UGT1A5: variants seen among roughly 807,000 people sequenced by gnomAD.
UGT1A5 encodes UDP glucuronosyltransferase family 1 member A5.
UGT1A5 carries 29 observed loss-of-function variants against 40.3 expected under a neutral mutation model. That is an observed-to-expected ratio of 0.72 (90% CI 0.54 to 0.98). UGT1A5 has a LOEUF of 0.98. Among genes scored for constraint, UGT1A5 ranks in the 50% least tolerant of loss-of-function variants. The pLI is 0.00. For missense variants in UGT1A5, 678 were observed against 677.9 expected (o/e 1.00, Z 0.00); for synonymous variants, 257 against 262.5 (o/e 0.98, Z 0.20).
intron 1 of UGT1A5, among the ~76,000 whole-genome samples, chr2:233,720,134 A>G (rs562111913): frequency 6.6e-6 from 1 of 152,212 alleles, no homozygotes; most frequent in South Asian, 2.1e-4. Flanking sequence ...ACCACAGGAG[A>G]CCTAGGCACT....
chr2:233,755,062 C>G, intron 1 of UGT1A5: 1 of 1,335,450 alleles, frequency 7.5e-7, no homozygotes, highest in Middle Eastern at 2.1e-4. Flanking sequence ...GCCCTCGCCT[C>G]GCCATAGCGG....
chr2:233,765,409 TGG>T (rs1441721232), intron 1 of UGT1A5, among the ~76,000 whole-genome samples: 3 of 152,208 alleles, frequency 2.0e-5, no homozygotes, highest in African/African-American at 7.2e-5. Flanking sequence ...ATATACACCA[TGG>T]AATACTATGC....
chr2:233,713,259 G>A lies in UGT1A5; in HGVS notation c.268G>A (p.Asp90Asn). ...CATTTCATGGACCCAGGACGAATTT[G>A]ATCGCCTTTTGCTGGGTCACACTCA... is the stretch of plus-strand genomic sequence containing the variant. ...YAISWTQDEF[D>N]RLLLGHTQSF... The change falls in exon 1 of 5, where the codon GAT becomes AAT. Residue 90 changes from aspartate (D) to asparagine (N), a missense_variant. Asp to Asn is a conservative substitution (Grantham distance 23). Coordinates refer to ENST00000373414, the MANE Select transcript of UGT1A5 (RefSeq NM_019078.2). 1 of 1,614,246 alleles carries A rather than the reference G, an allele frequency of 6.2e-7. No homozygotes were observed. Among genetic ancestry groups the A allele is most frequent in the Non-Finnish European group, 8.5e-7 (1 of 1,180,042 alleles).
intron 1 of UGT1A5, among the ~76,000 whole-genome samples, chr2:233,726,402 T>A (rs1404707610): frequency 6.6e-6 from 1 of 152,206 alleles, no homozygotes; most frequent in Non-Finnish European, 1.5e-5. Flanking sequence ...AGTCTTTTGA[T>A]GTCAGCATTC....
chr2:233,745,345 T>C (rs1184068068), intron 1 of UGT1A5, among the ~76,000 whole-genome samples: 1 of 151,834 alleles, frequency 6.6e-6, no homozygotes, highest in Non-Finnish European at 1.5e-5. Flanking sequence ...ACCATGAATT[T>C]TGGGGGAATT....
chr2:233,747,677 C>T (rs1693749061), intron 1 of UGT1A5: 1 of 1,606,758 alleles, frequency 6.2e-7, no homozygotes, highest in Non-Finnish European at 8.5e-7. Context: ...ACCCAATTTA[C>T]CTCTGTGGGG....
chr2:233,737,372 G>T (rs992613847), intron 1 of UGT1A5, among the ~76,000 whole-genome samples: 12 of 152,258 alleles, frequency 7.9e-5, no homozygotes, highest in African/African-American at 2.7e-4. Flanking sequence ...CCAGGCAGGG[G>T]AGAGAATCTC....
At chr2:233,758,898 T>G (rs1462729445) in intron 1 of UGT1A5, among the ~76,000 whole-genome samples, 1 of 152,186 alleles carries the variant, frequency 6.6e-6, no homozygotes, top group Non-Finnish European at 1.5e-5. Context: ...AAATACAAAT[T>G]TGAGTTGTTT....
At chr2:233,717,972 C>G in intron 1 of UGT1A5, 1 of 447,844 alleles carries the variant, frequency 2.2e-6, no homozygotes, top group South Asian at 1.6e-5. Flanking sequence ...CTTTGGCATT[C>G]AGAAGAGGAA....
intron 1 of UGT1A5, among the ~76,000 whole-genome samples, chr2:233,749,367 C>G (rs893134182): frequency 6.6e-6 from 1 of 151,762 alleles, no homozygotes; most frequent in Non-Finnish European, 1.5e-5. Flanking sequence ...GACTCTTGCC[C>G]TTTTCTTCCA....
intron 1 of UGT1A5, among the ~76,000 whole-genome samples, chr2:233,735,494 C>G (rs1320863859): frequency 6.6e-6 from 1 of 152,164 alleles, no homozygotes; most frequent in East Asian, 1.9e-4. Context: ...TTAATTGCAG[C>G]ATTTAGCCCA....
chr2:233,768,597 T>C (rs1188549543), intron 4 of UGT1A5, among the ~76,000 whole-genome samples, 158 bp downstream of exon 4: 1 of 135,710 alleles, frequency 7.4e-6, no homozygotes, highest in Non-Finnish European at 1.6e-5. Context: ...TTTTTTTTTT[T>C]TTTTTTTGAG....
intron 1 of UGT1A5, chr2:233,760,706 T>G (rs1396464237): frequency 2.5e-6 from 4 of 1,614,118 alleles, no homozygotes; most frequent in African/African-American, 1.3e-5. Flanking sequence ...ATGGCCTCCC[T>G]GGCAGAAAGC....
intron 1 of UGT1A5, chr2:233,743,523 T>A (rs1440722806): frequency 7.3e-7 from 1 of 1,367,212 alleles, no homozygotes; most frequent in Non-Finnish European, 9.8e-7. Context: ...TGCTTCTGCT[T>A]CCCCAGCAGT....
chr2:233,773,036 G>A lies in UGT1A5; in HGVS notation c.*477G>A. ...TGCCACCTTGTGTGTTTAAAGAAGG[G>A]AAGCTTTGTACCTTTAGAGTGTAGG... On this transcript the variant is annotated 3_prime_UTR_variant, in exon 5 of 5. Coordinates refer to ENST00000373414, the MANE Select transcript of UGT1A5 (RefSeq NM_019078.2). 1 of 196,980 alleles carries A rather than the reference G, an allele frequency of 5.1e-6. No individual in the cohort carries two copies. Among genetic ancestry groups the A allele is most frequent in the South Asian group, 9.8e-5 (1 of 10,240 alleles). The allele number at this position is 196,980 out of a possible 1,614,324, so 12.2% of individuals were successfully genotyped here. A position where few individuals can be genotyped will look rare whatever the true frequency, so the allele number is the denominator to read the frequency against.
chr2:233,729,516 G>A, intron 1 of UGT1A5: 1 of 1,614,186 alleles, frequency 6.2e-7, no homozygotes, highest in Non-Finnish European at 8.5e-7. Flanking sequence ...CTTGTGTGGA[G>A]CTACTACATA....
chr2:233,739,435 C>A (rs1691098956), intron 1 of UGT1A5, among the ~76,000 whole-genome samples: 1 of 152,206 alleles, frequency 6.6e-6, no homozygotes, highest in Admixed American at 6.5e-5. Flanking sequence ...GAGGGCTTTA[C>A]CCTGCAAAGC....
At chr2:233,728,783 A>T (rs1324632843) in intron 1 of UGT1A5, among the ~76,000 whole-genome samples, 1 of 152,246 alleles carries the variant, frequency 6.6e-6, no homozygotes, top group Admixed American at 6.5e-5. Context: ...CCTGATAAAC[A>T]TGGTTAACAG....
At chr2:233,750,456 A>G (rs1220214854) in intron 1 of UGT1A5, among the ~76,000 whole-genome samples, 2 of 151,996 alleles carry the variant, frequency 1.3e-5, no homozygotes, top group Non-Finnish European at 2.9e-5. Flanking sequence ...CAAACCAGCT[A>G]CAGAAATACT....
Sources: allele counts gnomAD v4.1 joint callset (sites outside exome capture counted in the v4.1 genomes callset), GRCh38; gene constraint gnomAD v4.1.1; transcripts MANE v1.5; gene names NCBI Gene and HGNC (gene_info 2026-07-23, HGNC 2026-07-21).